The following MICU1 variants were observed in gnomAD, a reference collection of about 807,000 sequenced individuals.
MICU1 encodes the protein calcium uptake protein 1, mitochondrial.
MICU1 carries 45 observed loss-of-function variants against 56.8 expected under a neutral mutation model. That is an observed-to-expected ratio of 0.79 (90% CI 0.62 to 1.02). The LOEUF (loss-of-function observed/expected upper bound fraction) is 1.02. Among genes scored for constraint, MICU1 ranks in the 50% least tolerant of loss-of-function variants. MICU1 has a pLI of 0.00. For synonymous variants in MICU1, 186 were observed against 195.1 expected, an observed-to-expected ratio of 0.95 and a Z score of 0.39; for missense variants, 504 against 587.1, an observed-to-expected ratio of 0.86 and a Z score of 1.46.
intron 8 of MICU1, 36 bp from the exon 9 acceptor site, chr10:72,423,407 A>G (rs1040838828): frequency 5.6e-6 from 9 of 1,603,558 alleles, no homozygotes; most frequent in Middle Eastern, 1.7e-4. Flanking sequence ...CCTAGGGTCA[A>G]TGGAAAGTAT....
intron 1 of MICU1, among the ~76,000 whole-genome samples, chr10:72,610,213 A>T (rs1199258519): frequency 6.7e-6 from 1 of 148,582 alleles, no homozygotes; most frequent in Non-Finnish European, 1.5e-5. Flanking sequence ...GTGAGCTATG[A>T]TCACACCACT....
At chr10:72,490,953 C>G (rs1306087948) in intron 6 of MICU1, among the ~76,000 whole-genome samples, 3 of 152,156 alleles carry the variant, frequency 2.0e-5, no homozygotes, top group African/African-American at 7.2e-5. Flanking sequence ...GTGGAAAGAG[C>G]CCAAAGGAAG....
chr10:72,402,675 T>A (rs568304027), intron 10 of MICU1, among the ~76,000 whole-genome samples: 3 of 152,034 alleles, frequency 2.0e-5, no homozygotes, highest in East Asian at 3.9e-4. Context: ...TCATCAACAG[T>A]GAAATAAACA....
At chr10:72,416,805 A>G (rs944927278) in intron 9 of MICU1, among the ~76,000 whole-genome samples, 4 of 152,178 alleles carry the variant, frequency 2.6e-5, no homozygotes, top group African/African-American at 7.2e-5. Context: ...TAGTGCTTCA[A>G]AAAGATCTCA....
At chr10:72,610,784 C>G (rs935542784) in intron 1 of MICU1, among the ~76,000 whole-genome samples, 1 of 152,196 alleles carries the variant, frequency 6.6e-6, no homozygotes, top group Admixed American at 6.5e-5. Flanking sequence ...TTACAAAAGG[C>G]AGCCTCTTGG....
chr10:72,440,055 G>A lies in MICU1; in HGVS notation c.934-16684C>T, dbSNP rs547066951. On this transcript the variant is annotated intron_variant, in intron 8 of 11. Transcript: ENST00000361114. ...CAGAACTGGAAAAAACTACTTTAAA[G>A]TTCACATGGAACAAAAAAAAGAGCC... Among the ~76,000 whole-genome samples the A allele has an allele frequency of 4.6e-5, 7 of 152,130 alleles. No homozygotes were observed. The East Asian group carries it at 1.4e-3, about 29-fold the overall frequency.
At chr10:72,415,333 A>G (rs1863950964) in intron 9 of MICU1, among the ~76,000 whole-genome samples, 1 of 151,928 alleles carries the variant, frequency 6.6e-6, no homozygotes, top group African/African-American at 2.4e-5. Context: ...CTTAGTTTTA[A>G]AACAATTTTA....
At chr10:72,470,234 C>T (rs925626650) in intron 8 of MICU1, among the ~76,000 whole-genome samples, 1 of 152,182 alleles carries the variant, frequency 6.6e-6, no homozygotes, top group Non-Finnish European at 1.5e-5. Context: ...AAAGCCTATA[C>T]TCTTGCTGCT....
At chr10:72,536,335 T>C (rs1418327052) in intron 4 of MICU1, among the ~76,000 whole-genome samples, 5 of 152,038 alleles carry the variant, frequency 3.3e-5, no homozygotes, top group African/African-American at 7.2e-5. Flanking sequence ...AATTTAAAAA[T>C]AAGGTTAATT....
At chr10:72,488,663 G>A (rs1169217705) in intron 6 of MICU1, among the ~76,000 whole-genome samples, 1 of 152,134 alleles carries the variant, frequency 6.6e-6, no homozygotes, top group Non-Finnish European at 1.5e-5. Context: ...CTCCAGTCAA[G>A]GGAGATTTAA....
At chr10:72,522,149 G>A (rs1228741873) in intron 5 of MICU1, among the ~76,000 whole-genome samples, 1 of 152,066 alleles carries the variant, frequency 6.6e-6, no homozygotes, top group Non-Finnish European at 1.5e-5. Flanking sequence ...AGAAGAGAAG[G>A]AGAAATAACT....
intron 1 of MICU1, among the ~76,000 whole-genome samples, chr10:72,612,822 T>C (rs912658972): frequency 8.1e-5 from 12 of 148,194 alleles, no homozygotes; most frequent in African/African-American, 2.0e-4. Context: ...AAAGTTGGGA[T>C]GCATAGGAAG....
intron 10 of MICU1, among the ~76,000 whole-genome samples, chr10:72,398,647 G>A (rs1863347498): frequency 6.6e-6 from 1 of 152,118 alleles, no homozygotes; most frequent in Admixed American, 6.6e-5. Flanking sequence ...ACTACCATCA[G>A]AGAATACTAC....
intron 10 of MICU1, among the ~76,000 whole-genome samples, chr10:72,395,968 G>A (rs895574658): frequency 6.6e-6 from 1 of 152,242 alleles, no homozygotes; most frequent in African/African-American, 2.4e-5. Context: ...CAGACAGACT[G>A]CCTCCTCAAG....
chr10:72,500,303 T>TATATATATATA (rs1388516520), intron 6 of MICU1, among the ~76,000 whole-genome samples: 5 of 4,762 alleles, frequency 1.0e-3, no homozygotes, highest in Admixed American at 5.9e-3. Flanking sequence ...TATATATATA[T>TATATATATATA]TTTTTTTTTT....
intron 4 of MICU1, among the ~76,000 whole-genome samples, chr10:72,546,580 T>C (rs1839898527): frequency 6.6e-6 from 1 of 152,250 alleles, no homozygotes. Context: ...TGCCAATTAC[T>C]CTTTGCTCAA....
intron 10 of MICU1, among the ~76,000 whole-genome samples, chr10:72,389,312 C>G (rs1452881046): frequency 2.0e-5 from 3 of 152,168 alleles, no homozygotes; most frequent in African/African-American, 4.8e-5. Context: ...TTATTAGACT[C>G]AAAGAATTTG....
intron 3 of MICU1, among the ~76,000 whole-genome samples, chr10:72,555,067 C>T (rs1184864886): frequency 6.6e-6 from 1 of 152,004 alleles, no homozygotes; most frequent in Admixed American, 6.6e-5. Context: ...AAAAAACAGA[C>T]ATTCTATGTG....
Position 72,510,953 on chromosome 10 carries a change from T to G in MICU1, c.538-2684A>C, listed in dbSNP as rs551664735. On this transcript the variant is annotated intron_variant, in intron 5 of 11. Coordinates refer to ENST00000361114, the MANE Select transcript of MICU1 (RefSeq NM_001195518.2). ...AGCCAAATCCAGTCCATTTTCAAAT[T>G]TTAGCAAATTGTCCCAATAATTTCC... 7.2e-5 allele frequency among the ~76,000 whole-genome samples: 11 copies of G among 152,312 alleles called. 1 individual carries two copies. The South Asian group carries it at 2.3e-3, about 32-fold the overall frequency.
Sources: gnomAD v4.1 joint callset for allele counts (sites outside exome capture counted in the v4.1 genomes callset) on GRCh38, gnomAD v4.1.1 for gene constraint, MANE v1.5 for transcripts, NCBI Gene and HGNC (gene_info 2026-07-23, HGNC 2026-07-21) for gene names.